Variants in RAB19 observed in about 807,000 individuals in gnomAD.
RAB19 encodes the protein ras-related protein Rab-19.
RAB19 carries 21 observed loss-of-function variants against 17.3 expected under a neutral mutation model. The ratio of observed to expected loss-of-function variants is 1.21; its 90% CI spans 0.86 to 1.74. RAB19 has a LOEUF of 1.74. Ranked by LOEUF, RAB19 falls within the 40% of genes most tolerant of loss-of-function variation. The probability of loss-of-function intolerance (pLI) is 0.00; values close to 1 mark genes in which losing one functional copy is unlikely to be tolerated. For missense variants in RAB19, 277 were observed against 286.8 expected (o/e 0.97, Z 0.25); for synonymous variants, 126 against 110.4 (o/e 1.14, Z -0.88).
At position 140,412,003 on chromosome 7, in the gene RAB19, T is replaced by C. The variant is rs201226450; in HGVS notation, c.331T>C (p.Trp111Arg). 601 of 1,614,078 alleles carry C rather than the reference T, an allele frequency of 3.7e-4. 2 individuals are homozygous for C. In the South Asian group the frequency reaches 4.6e-3, roughly 12 times the overall value. The change falls in exon 3 of 4, where the codon TGG (tryptophan) becomes CGG (arginine). Residue 111 changes from tryptophan (W) to arginine (R), a missense_variant. Trp to Arg is a moderately radical substitution (Grantham distance 101). Transcript: ENST00000537763. ...GTCCACGTTCGAGTCCATCCCTCAC[T>C]GGATTCATGAGATAGAGAAATATGG... ...RRSTFESIPH[W>R]IHEIEKYGAA...
At chr7:140,412,090 T>A in intron 3 of RAB19, 33 bp downstream of exon 3, 1 of 1,577,984 alleles carries the variant, frequency 6.3e-7, no homozygotes, top group East Asian at 2.2e-5. Flanking sequence ...AACTTTTGTT[T>A]ACTCTCCTCT....
chr7:140,425,561 C>G (rs12216582), intron 3 of RAB19, among the ~76,000 whole-genome samples: 33,269 of 151,686 alleles, frequency 0.22, 4,265 homozygotes, highest in Non-Finnish European at 0.29. Context: ...ACCTTCTCTA[C>G]TAAAAATACA....
chr7:140,415,819 T>C (rs187510017), intron 3 of RAB19, among the ~76,000 whole-genome samples: 230 of 151,382 alleles, frequency 1.5e-3, no homozygotes, highest in African/African-American at 5.4e-3. Flanking sequence ...GCAGGAGACT[T>C]GCTTGAACCC....
At chr7:140,415,772 G>A (rs1015632579) in intron 3 of RAB19, among the ~76,000 whole-genome samples, 52 of 113,952 alleles carry the variant, frequency 4.6e-4, no homozygotes, top group East Asian at 3.4e-3. Context: ...AGATGTGGTG[G>A]TGCACGCCTG....
Position 140,407,774 on chromosome 7 carries a change from C to A in RAB19, c.128C>A (p.Thr43Asn), listed in dbSNP as rs939506920. 7 of 1,613,754 alleles carry A rather than the reference C, an allele frequency of 4.3e-6. No homozygotes were observed. The African/African-American group carries it at 5.3e-5, about 12-fold the overall frequency. ...VVQHFKSGVY[T>N]ETQQNTIGVD... ...CAGCATTTCAAGTCTGGAGTCTACA[C>A]TGAGACACAGCAGAACACGATTGGA... is the stretch of plus-strand genomic sequence containing the variant. Residue 43 changes from threonine (T) to asparagine (N), a missense_variant, in exon 2 of 4, where the codon ACT becomes AAT. By Grantham distance (65) the Thr-to-Asn change is moderately conservative. Transcript: ENST00000537763.
intron 3 of RAB19, among the ~76,000 whole-genome samples, chr7:140,418,538 T>G (rs956341907): frequency 6.7e-6 from 1 of 149,712 alleles, no homozygotes; most frequent in African/African-American, 2.5e-5. Flanking sequence ...ATTGCGCCAC[T>G]GCACTCCAGC....
At chr7:140,424,333 T>C (rs1274646671) in intron 3 of RAB19, among the ~76,000 whole-genome samples, 1 of 150,868 alleles carries the variant, frequency 6.6e-6, no homozygotes. Context: ...AATTTTGTAT[T>C]TTTAGTAGAA....
intron 1 of RAB19, among the ~76,000 whole-genome samples, chr7:140,404,933 A>G (rs1010052246): frequency 1.3e-5 from 2 of 152,190 alleles, no homozygotes; most frequent in African/African-American, 4.8e-5. Flanking sequence ...GACAGATGGA[A>G]ACCTCATGGA....
rs190375268 is a variant in RAB19 at position 140,405,150 on chromosome 7, G to C, written c.-24+933G>C. ...CTCATCATCAGAATCACCTGGGGAA[G>C]AGACAGAGCAAGAGGGGAGGGGAGG... On this transcript the variant is annotated intron_variant, in intron 1 of 3. Transcript: ENST00000537763. 1.5e-3 allele frequency among the ~76,000 whole-genome samples: 229 copies of C among 152,176 alleles called. 1 individual carries two copies. In the East Asian group the frequency reaches 0.026, roughly 17 times the overall value.
intron 3 of RAB19, among the ~76,000 whole-genome samples, chr7:140,423,040 G>A (rs369050592): frequency 4.0e-5 from 6 of 149,760 alleles, no homozygotes; most frequent in African/African-American, 1.2e-4. Flanking sequence ...ACTGGGAGGC[G>A]GAGGTTGCAG....
At position 140,411,898 on chromosome 7, in the gene RAB19, C is replaced by A. The variant is rs1397907950; in HGVS notation, c.226C>A (p.Gln76Lys). ...GATGCAGGTGTGGGACACAGCTGGC[C>A]AGGAGCGCTTCCGCACCATCACCCA... is the stretch of plus-strand genomic sequence containing the variant. ...VKMQVWDTAG[Q>K]ERFRTITQSY... The change falls in exon 3 of 4, where the codon CAG (glutamine) becomes AAG (lysine). Residue 76 changes from glutamine (Q) to lysine (K), a missense_variant. By Grantham distance (53) the Gln-to-Lys change is moderately conservative (BLOSUM62 1). Coordinates refer to ENST00000537763, the MANE Select transcript of RAB19 (RefSeq NM_001008749.3). 2 of 1,614,192 alleles carry A rather than the reference C, an allele frequency of 1.2e-6. No individual in the cohort carries two copies. Among genetic ancestry groups the A allele is most frequent in the Non-Finnish European group, 1.7e-6 (2 of 1,180,038 alleles).
At position 140,411,927 on chromosome 7, in the gene RAB19, C is replaced by G. The variant is rs1441421590; in HGVS notation, c.255C>G (p.Ser85Arg). Residue 85 changes from serine (S) to arginine (R), a missense_variant, in exon 3 of 4, where the codon AGC (serine) becomes AGG (arginine). By Grantham distance (110) the Ser-to-Arg change is moderately radical (BLOSUM62 -1). Transcript: ENST00000537763. Reference sequence around the variant, plus strand: ...AGCGCTTCCGCACCATCACCCAAAGCTACTACCGCAGTGCCCACGCAGCCA... The same window carrying G: ...AGCGCTTCCGCACCATCACCCAAAGGTACTACCGCAGTGCCCACGCAGCCA... The part of the protein sequence containing the change: ...GQERFRTITQ[S>R]YYRSAHAAII... The G allele has an allele frequency of 1.2e-6, 2 of 1,614,230 alleles. No individual in the cohort carries two copies. The highest frequency in any genetic ancestry group is 1.1e-5 in the South Asian group (1 of 91,092).
chr7:140,405,557 G>T (rs200773970), intron 1 of RAB19, among the ~76,000 whole-genome samples: 1 of 25,092 alleles, frequency 4.0e-5, no homozygotes, highest in African/African-American at 1.6e-4. Context: ...GGGCGGGGAG[G>T]GGGGGCGCAG....
At chr7:140,408,193 C>T (rs999916266) in intron 2 of RAB19, among the ~76,000 whole-genome samples, 1 of 151,698 alleles carries the variant, frequency 6.6e-6, no homozygotes, top group Non-Finnish European at 1.5e-5. Flanking sequence ...CCAGTTCCAC[C>T]TTTTTTAGCC....
chr7:140,419,426 G>GT (rs1799519930), intron 3 of RAB19, among the ~76,000 whole-genome samples: 2 of 152,020 alleles, frequency 1.3e-5, no homozygotes, highest in African/African-American at 4.8e-5. Context: ...TTTTGCCTAA[G>GT]TTTCTTTCCC....
intron 1 of RAB19, among the ~76,000 whole-genome samples, 196 bp from the exon 2 acceptor site, chr7:140,407,428 C>T (rs999374485): frequency 6.6e-6 from 1 of 152,088 alleles, no homozygotes; most frequent in African/African-American, 2.4e-5. Flanking sequence ...CTCTTTATTC[C>T]AAGAGCACCC....
intron 3 of RAB19, among the ~76,000 whole-genome samples, chr7:140,422,171 A>G (rs1234448314): frequency 6.6e-6 from 1 of 151,890 alleles, no homozygotes; most frequent in Non-Finnish European, 1.5e-5. Flanking sequence ...CTGATCACCT[A>G]AAGTCAGGAG....
intron 3 of RAB19, among the ~76,000 whole-genome samples, chr7:140,424,738 A>G (rs955993954): frequency 6.6e-6 from 1 of 150,744 alleles, no homozygotes; most frequent in African/African-American, 2.4e-5. Flanking sequence ...AATTGTTTCA[A>G]AATAAAAGGT....
intron 3 of RAB19, among the ~76,000 whole-genome samples, chr7:140,424,661 GTGTA>G (rs372670819): frequency 0.18 from 21,774 of 119,388 alleles, 2,052 homozygotes; most frequent in African/African-American, 0.35. Context: ...ATATATGTGT[GTGTA>G]TATATATATA....
Sources: gnomAD v4.1 joint callset for allele counts (sites outside exome capture counted in the v4.1 genomes callset) on GRCh38, gnomAD v4.1.1 for gene constraint, MANE v1.5 for transcripts, NCBI Gene and HGNC (gene_info 2026-07-23, HGNC 2026-07-21) for gene names.